The following LRTM3 variants were observed in gnomAD, a reference collection of about 807,000 sequenced individuals.
LRTM3 encodes leucine-rich repeat transmembrane protein 3.
At chr13:102,737,283 A>G in the LRTM3 span, 1 of 1,551,166 alleles carries the variant, frequency 6.4e-7, no homozygotes, top group Non-Finnish European at 8.7e-7. Context: ...CCTGCATCAA[A>G]TGATTTCTGC....
chr13:102,745,434 C>A, the LRTM3 span: 4 of 1,550,878 alleles, frequency 2.6e-6, no homozygotes, highest in Non-Finnish European at 3.5e-6. Context: ...GCATATGTTT[C>A]ATCTACCCCC....
the LRTM3 span, among the ~76,000 whole-genome samples, chr13:102,751,339 TTA>T: frequency 9.4e-6 from 1 of 106,476 alleles, no homozygotes; most frequent in Admixed American, 1.1e-4. Context: ...CTCTCTCTCT[TTA>T]TACACACACA....
At chr13:102,738,013 T>A in the LRTM3 span, 1 of 1,550,564 alleles carries the variant, frequency 6.4e-7, no homozygotes. Flanking sequence ...CTTTGTCTTC[T>A]CTATCAACCT....
chr13:102,730,131 G>A, the LRTM3 span: 1 of 1,549,882 alleles, frequency 6.5e-7, no homozygotes, highest in South Asian at 1.2e-5. Context: ...CAGGAAGGTG[G>A]TGTAATAATT....
chr13:102,750,142 T>C, the LRTM3 span: 5 of 1,551,164 alleles, frequency 3.2e-6, no homozygotes, highest in Non-Finnish European at 4.4e-6. Context: ...TTTCATATTC[T>C]CTGTCTGGAT....
the LRTM3 span, chr13:102,758,523 T>A: frequency 6.5e-7 from 1 of 1,541,892 alleles, no homozygotes; most frequent in Middle Eastern, 1.7e-4. Context: ...TATTAAAATG[T>A]GAAATTGTAT....
At chr13:102,733,974 G>A in the LRTM3 span, 1 of 1,551,366 alleles carries the variant, frequency 6.4e-7, no homozygotes, top group Non-Finnish European at 8.7e-7. Flanking sequence ...GTAATTCCTG[G>A]AGTGTCTTTG....
At chr13:102,733,065 G>A in the LRTM3 span, 2 of 1,551,312 alleles carry the variant, frequency 1.3e-6, no homozygotes, top group South Asian at 2.4e-5. Context: ...TGTAGGCTGA[G>A]GTGCGCTGTT....
the LRTM3 span, chr13:102,735,377 G>C: frequency 6.4e-7 from 1 of 1,551,234 alleles, no homozygotes; most frequent in Non-Finnish European, 8.7e-7. Flanking sequence ...TGATTCCTTG[G>C]ACCGTGACTG....
At chr13:102,748,082 C>T in the LRTM3 span, 1 of 1,551,080 alleles carries the variant, frequency 6.4e-7, no homozygotes. Context: ...ATGACTGAGC[C>T]TTATTATTCT....
chr13:102,743,837 T>C, the LRTM3 span: 1 of 1,550,540 alleles, frequency 6.4e-7, no homozygotes, highest in South Asian at 1.2e-5. Flanking sequence ...AATTTCTTTT[T>C]CTGATAACTG....
chr13:102,748,182 C>G, the LRTM3 span: 1,786 of 1,551,048 alleles, frequency 1.2e-3, 18 homozygotes, highest in South Asian at 0.013. Flanking sequence ...TGAAATGCAT[C>G]AGACGTTTCT....
At chr13:102,744,149 TTC>T in the LRTM3 span, 3 of 1,550,748 alleles carry the variant, frequency 1.9e-6, no homozygotes, top group South Asian at 3.6e-5. Context: ...GTGTTGCTTT[TTC>T]TTTCTGTGGT....
chr13:102,743,976 G>C, the LRTM3 span: 225 of 1,550,056 alleles, frequency 1.5e-4, no homozygotes, highest in Non-Finnish European at 1.9e-4. Flanking sequence ...TCCAGATTTT[G>C]TCGGCGTGTT....
chr13:102,745,719 T>G, the LRTM3 span: 1 of 1,551,092 alleles, frequency 6.4e-7, no homozygotes, highest in Non-Finnish European at 8.7e-7. Context: ...TTTTGATGGC[T>G]AGAATCAGAT....
the LRTM3 span, chr13:102,731,997 T>C: frequency 6.4e-7 from 1 of 1,551,390 alleles, no homozygotes; most frequent in South Asian, 1.2e-5. Context: ...TATTTTTTAT[T>C]CATTTCACTT....
chr13:102,743,888 A>G, the LRTM3 span: 15 of 1,550,618 alleles, frequency 9.7e-6, no homozygotes, highest in Non-Finnish European at 1.1e-5. Flanking sequence ...TAAAACAGGC[A>G]TGAAGAAATC....
the LRTM3 span, chr13:102,744,058 C>G: frequency 1.4e-5 from 21 of 1,550,454 alleles, no homozygotes; most frequent in Non-Finnish European, 1.7e-5. Flanking sequence ...ATGTTGTACT[C>G]TTAGCATATT....
the LRTM3 span, chr13:102,731,349 T>G: frequency 4.5e-6 from 7 of 1,551,280 alleles, no homozygotes; most frequent in African/African-American, 1.4e-5. Context: ...TTTGAAATAG[T>G]CCCTTTTGGA....
Sources: allele counts gnomAD v4.1 joint callset (sites outside exome capture counted in the v4.1 genomes callset), GRCh38; gene constraint gnomAD v4.1.1; transcripts MANE v1.5; gene names NCBI Gene and HGNC (gene_info 2026-07-23, HGNC 2026-07-21).